Variants in XPO1 observed in about 807,000 individuals in gnomAD.
The protein encoded by XPO1 is exportin 1.
Under a neutral mutation model 133.3 loss-of-function variants are expected in XPO1, and 5 were observed. The ratio of observed to expected loss-of-function variants is 0.04; its 90% confidence interval spans 0.02 to 0.08. The LOEUF (loss-of-function observed/expected upper bound fraction) is 0.08, where lower values mean the gene tolerates loss of function less well. XPO1 is among the 10% of genes least tolerant of loss of function. XPO1 has a pLI of 1.00. For synonymous variants in XPO1, 419 were observed against 408.2 expected (o/e 1.03, Z -0.32); for missense variants, 506 against 1,267.5 (o/e 0.40, Z 9.12).
chr2:61,514,450 G>A (rs1698256063), intron 4 of XPO1, among the ~76,000 whole-genome samples: 1 of 151,848 alleles, frequency 6.6e-6, no homozygotes, highest in African/African-American at 2.4e-5. Flanking sequence ...ATAATTAGCT[G>A]GGTGTGGTGG....
rs1049985033 is a variant in XPO1, at chr2:61,488,724, G to A, written c.2070C>T (p.Ser690=). Residue 690 remains serine, a synonymous_variant, in exon 18 of 25, where the codon AGC becomes AGT. Transcript: ENST00000401558. The stretch of plus-strand genomic sequence containing the variant: ...AGGCTCTCACATTTGTTTTCAAAAT[G>A]CTACCAAGCTGCTTGACTGTTTCAG... ...KDPETVKQLG[S]ILKTNVRACK... 9.3e-6 allele frequency: 15 copies of A among 1,614,046 alleles called. No homozygotes were observed. In the Admixed American group the frequency reaches 1.5e-4, roughly 16 times the overall value.
At chr2:61,518,417 A>AACACAC (rs200566050) in intron 4 of XPO1, among the ~76,000 whole-genome samples, 2,305 of 124,332 alleles carry the variant, frequency 0.019, 38 homozygotes, top group African/African-American at 0.022. Flanking sequence ...CAAAAAACAA[A>AACACAC]ACACACACAC....
At chr2:61,526,707 T>G (rs1205225300) in intron 2 of XPO1, among the ~76,000 whole-genome samples, 186 bp from the exon 3 acceptor site, 1 of 27,584 alleles carries the variant, frequency 3.6e-5, no homozygotes. Context: ...TGACTCCCAA[T>G]TTTTTTTTTT....
chr2:61,496,562 A>C (rs1269783706), intron 10 of XPO1, among the ~76,000 whole-genome samples: 1 of 152,204 alleles, frequency 6.6e-6, no homozygotes, highest in Non-Finnish European at 1.5e-5. Flanking sequence ...TAACCAATCA[A>C]ACTAGGGCTG....
chr2:61,494,648 G>A (rs766879726), intron 11 of XPO1: 6 of 152,628 alleles, frequency 3.9e-5, no homozygotes, highest in African/African-American at 1.5e-4. Context: ...GAGAACAAAG[G>A]AGAAAGTGAC....
chr2:61,494,731 T>G (rs1697155539), intron 11 of XPO1: 1 of 151,486 alleles, frequency 6.6e-6, no homozygotes, highest in Admixed American at 6.6e-5. Context: ...TTGTATAACA[T>G]TGTATATATA....
intron 12 of XPO1, 179 bp downstream of exon 12, chr2:61,493,715 T>C (rs538218011): frequency 4.2e-5 from 28 of 666,638 alleles, no homozygotes; most frequent in African/African-American, 1.1e-4. Flanking sequence ...AGGACCACAC[T>C]CTTGAGAATC....
intron 4 of XPO1, among the ~76,000 whole-genome samples, chr2:61,514,257 CATGTAAGGAT>C (rs1698243577): frequency 6.6e-6 from 1 of 150,828 alleles, no homozygotes; most frequent in Non-Finnish European, 1.5e-5. Flanking sequence ...TGGCAAAGAA[CATGTAAGGAT>C]ATGTGATGGA....
chr2:61,522,717 T>C lies in XPO1; in HGVS notation c.229-34A>G, dbSNP rs200596922. On this transcript the variant is annotated intron_variant, in intron 3 of 24. Transcript: ENST00000401558. ...TGGAGAATAGAAGCATGTGAATATA[T>C]TGCTTATAGGACTGGCAACTCTCAG... 22 of 1,493,364 alleles carry C rather than the reference T, an allele frequency of 1.5e-5. No homozygotes were observed. In the Middle Eastern group the frequency reaches 1.0e-3, roughly 71 times the overall value. 92.5% of individuals were successfully genotyped at this position (1,493,364 alleles called of 1,614,324 possible).
intron 24 of XPO1, among the ~76,000 whole-genome samples, chr2:61,479,737 A>G (rs1696243555): frequency 6.6e-6 from 1 of 151,480 alleles, no homozygotes; most frequent in Non-Finnish European, 1.5e-5. Context: ...CATTTTTTGT[A>G]TTTTTACTAG....
At chr2:61,524,802 T>C (rs1316416051) in intron 3 of XPO1, among the ~76,000 whole-genome samples, 1 of 152,162 alleles carries the variant, frequency 6.6e-6, no homozygotes, top group Non-Finnish European at 1.5e-5. Flanking sequence ...CCTGTAGCCC[T>C]AGCTACTCAG....
At chr2:61,526,580 T>A in intron 2 of XPO1, 59 bp from the exon 3 acceptor site, 1 of 1,339,464 alleles carries the variant, frequency 7.5e-7, no homozygotes, top group Non-Finnish European at 9.9e-7. Flanking sequence ...AATCATTCAT[T>A]AAAATGAAAA....
chr2:61,517,682 G>C (rs1273183819), intron 4 of XPO1, among the ~76,000 whole-genome samples: 1 of 152,164 alleles, frequency 6.6e-6, no homozygotes, highest in Non-Finnish European at 1.5e-5. Context: ...AGCCAGGCTT[G>C]GTAGCAATTT....
rs191108636 is a variant in XPO1 at position 61,531,924 on chromosome 2, T to A, written c.126+1848A>T. ...CAAGCTTACAGAATCACTGCAAGAG[T>A]AATTTTTTCTACTTTTAGCGTTTCC... On this transcript the variant is annotated intron_variant, in intron 2 of 24. Coordinates refer to ENST00000401558, the MANE Select transcript of XPO1 (RefSeq NM_003400.4). Among the ~76,000 whole-genome samples, 293 of 152,136 alleles carry A rather than the reference T, an allele frequency of 1.9e-3. 1 individual carries two copies. Among genetic ancestry groups the A allele is most frequent in the Non-Finnish European group, 2.8e-3 (193 of 68,002 alleles).
At chr2:61,498,509 T>G (rs1450067536) in intron 9 of XPO1, among the ~76,000 whole-genome samples, 164 bp downstream of exon 9, 2 of 152,218 alleles carry the variant, frequency 1.3e-5, no homozygotes, top group Non-Finnish European at 2.9e-5. Flanking sequence ...GAAACTCACT[T>G]TAAATAATTT....
In XPO1 at chr2:61,519,692, C is replaced by G. The variant is rs1360557230; in HGVS notation, c.301+2919G>C. Reference sequence around the variant, plus strand: ...CCAGCCTGGGCAACAGAGCAAGACTCCGTCTCAAAAAAAAAAAAAAAAAAA... The same window carrying G: ...CCAGCCTGGGCAACAGAGCAAGACTGCGTCTCAAAAAAAAAAAAAAAAAAA... On this transcript the variant is annotated intron_variant, in intron 4 of 24. Coordinates refer to ENST00000401558, the MANE Select transcript of XPO1 (RefSeq NM_003400.4). Among the ~76,000 whole-genome samples, 3 of 94,416 alleles carry G rather than the reference C, an allele frequency of 3.2e-5. No homozygotes were observed. The Admixed American group carries it at 3.6e-4, about 11-fold the overall frequency. The allele number at this position is 94,416 out of a possible 152,430, so 61.9% of individuals were successfully genotyped here. A position where few individuals can be genotyped will look rare whatever the true frequency, so the allele number is the denominator to read the frequency against.
intron 18 of XPO1, 33 bp from the exon 19 acceptor site, chr2:61,488,304 A>C: frequency 1.3e-6 from 2 of 1,592,248 alleles, no homozygotes; most frequent in Non-Finnish European, 1.7e-6. Flanking sequence ...ATCTAATTTT[A>C]CCACTAAACT....
chr2:61,506,743 G>C (rs370068773), intron 4 of XPO1, among the ~76,000 whole-genome samples: 45 of 151,998 alleles, frequency 3.0e-4, no homozygotes, highest in African/African-American at 1.1e-3. Context: ...ACATATCTAG[G>C]TAGAAAATCG....
At chr2:61,484,515 C>T (rs1031607542) in intron 20 of XPO1, 5 of 162,590 alleles carry the variant, frequency 3.1e-5, no homozygotes, top group Non-Finnish European at 6.6e-5. Flanking sequence ...GTCACCCAGG[C>T]TGTAGTGCAG....
Sources: gnomAD v4.1 joint callset for allele counts (sites outside exome capture counted in the v4.1 genomes callset) on GRCh38, gnomAD v4.1.1 for gene constraint, MANE v1.5 for transcripts, NCBI Gene and HGNC (gene_info 2026-07-23, HGNC 2026-07-21) for gene names.